The following EXOC6 variants were observed in gnomAD, a reference collection of about 807,000 sequenced individuals.
The protein encoded by EXOC6 is exocyst complex component 6.
A neutral mutation model predicts 112.5 loss-of-function variants in EXOC6; 60 were observed. The observed-to-expected ratio is 0.53, with a 90% CI of 0.43 to 0.66. EXOC6 has a LOEUF of 0.66. Ranked by LOEUF, EXOC6 falls within the 30% of genes least tolerant of loss-of-function variation. EXOC6 has a pLI of 0.00. For missense variants in EXOC6, 855 were observed against 957.1 expected (o/e 0.89, Z 1.41); for synonymous variants, 295 against 308.0 (o/e 0.96, Z 0.44).
At chr10:92,968,700 GCCC>G (rs1842165828) in intron 17 of EXOC6, among the ~76,000 whole-genome samples, 1 of 152,092 alleles carries the variant, frequency 6.6e-6, no homozygotes. Context: ...ATTTGTTTTA[GCCC>G]CTTCTGGGTG....
chr10:92,909,671 A>G (rs1404188633), intron 6 of EXOC6, 40 bp downstream of exon 6: 1 of 1,234,320 alleles, frequency 8.1e-7, no homozygotes, highest in Non-Finnish European at 1.1e-6. Context: ...TTATTTAGTA[A>G]TACAGGATCT....
intron 17 of EXOC6, among the ~76,000 whole-genome samples, chr10:92,957,950 A>G (rs1853782917): frequency 6.6e-6 from 1 of 152,162 alleles, no homozygotes; most frequent in Admixed American, 6.5e-5. Context: ...CAGTGACCCT[A>G]GAAAACATCT....
intron 11 of EXOC6, among the ~76,000 whole-genome samples, chr10:92,935,035 A>G (rs530854556): frequency 1.2e-4 from 19 of 152,106 alleles, no homozygotes; most frequent in African/African-American, 4.3e-4. Flanking sequence ...ACCTTTATTA[A>G]TATATTTCAT....
chr10:92,896,581 T>G (rs527887559), intron 4 of EXOC6, among the ~76,000 whole-genome samples: 1 of 138,072 alleles, frequency 7.2e-6, no homozygotes, highest in African/African-American at 2.8e-5. Flanking sequence ...CTAAAAAAAT[T>G]GTAGTATTAT....
In EXOC6 at chr10:93,034,723, T is replaced by G. The variant is rs577316272; in HGVS notation, c.2169+20456T>G. Among the ~76,000 whole-genome samples, 218 of 152,352 alleles carry G rather than the reference T, an allele frequency of 1.4e-3. 1 individual carries two copies. The highest frequency in any genetic ancestry group is 1.7e-3 in the Non-Finnish European group (118 of 68,036). On this transcript the variant is annotated intron_variant, in intron 20 of 21. Transcript: ENST00000260762. ...GCCACTGGTCCAGTTTATTCTTTTATGATGAGGAAGAAGGCACTTTTAAAT... is the reference window on the plus strand; with the variant it reads ...GCCACTGGTCCAGTTTATTCTTTTAGGATGAGGAAGAAGGCACTTTTAAAT...
chr10:92,936,714 C>A (rs1003864008), intron 12 of EXOC6, among the ~76,000 whole-genome samples: 1 of 152,158 alleles, frequency 6.6e-6, no homozygotes, highest in African/African-American at 2.4e-5. Flanking sequence ...ACACCTGCTG[C>A]GTTATTGGGA....
chr10:92,881,575 A>G (rs1345888040), intron 1 of EXOC6, among the ~76,000 whole-genome samples: 1 of 152,182 alleles, frequency 6.6e-6, no homozygotes, highest in Non-Finnish European at 1.5e-5. Context: ...CACTTACACA[A>G]TGCTTAATAT....
At chr10:92,845,349 G>A (rs1159745318), upstream of EXOC6, among the ~76,000 whole-genome samples, 2 of 151,768 alleles carry the variant, frequency 1.3e-5, no homozygotes, top group East Asian at 1.9e-4. Flanking sequence ...GGGAAGGAGT[G>A]TGAGACCAGC....
intron 19 of EXOC6, among the ~76,000 whole-genome samples, 169 bp from the exon 20 acceptor site, chr10:93,014,025 G>A (rs1383054925): frequency 6.6e-6 from 1 of 152,058 alleles, no homozygotes; most frequent in Non-Finnish European, 1.5e-5. Flanking sequence ...TAATGGATGT[G>A]GAGAACTTTC....
chr10:93,005,889 A>G (rs571429108), intron 19 of EXOC6, among the ~76,000 whole-genome samples: 11 of 152,238 alleles, frequency 7.2e-5, no homozygotes, highest in African/African-American at 2.2e-4. Context: ...GCTGGGCACA[A>G]TGGCTCATGC....
intron 20 of EXOC6, among the ~76,000 whole-genome samples, chr10:93,034,196 G>T (rs1845403391): frequency 6.6e-6 from 1 of 152,184 alleles, no homozygotes; most frequent in Non-Finnish European, 1.5e-5. Context: ...CAGTAAAGAG[G>T]TTATCAGTTG....
intron 20 of EXOC6, among the ~76,000 whole-genome samples, chr10:93,046,565 G>A (rs1846007201): frequency 6.6e-6 from 1 of 151,982 alleles, no homozygotes; most frequent in Non-Finnish European, 1.5e-5. Context: ...GAAGAGCTGA[G>A]GAATGAGGAG....
chr10:92,841,608 T>G (rs1162674647), intron 1 of EXOC6, among the ~76,000 whole-genome samples: 1 of 152,234 alleles, frequency 6.6e-6, no homozygotes, highest in Non-Finnish European at 1.5e-5. Context: ...GCTATACAGT[T>G]ACCCAATTTT....
At chr10:92,924,453 G>T (rs540543125) in intron 8 of EXOC6, among the ~76,000 whole-genome samples, 1 of 152,048 alleles carries the variant, frequency 6.6e-6, no homozygotes, top group Non-Finnish European at 1.5e-5. Flanking sequence ...ATTATGATTC[G>T]ATAAAGTGGG....
chr10:92,881,061 C>G (rs1370971184), intron 1 of EXOC6, among the ~76,000 whole-genome samples: 1 of 152,118 alleles, frequency 6.6e-6, no homozygotes, highest in Non-Finnish European at 1.5e-5. Context: ...TGTCAGCTAC[C>G]TGCTGGGGCT....
chr10:93,021,333 C>A (rs981731373), intron 20 of EXOC6, among the ~76,000 whole-genome samples: 3 of 151,528 alleles, frequency 2.0e-5, no homozygotes, highest in Admixed American at 6.6e-5. Flanking sequence ...ACAAAACAAA[C>A]CAAACAAAAA....
chr10:92,930,704 T>C (rs1050889790), intron 9 of EXOC6, among the ~76,000 whole-genome samples: 3 of 152,096 alleles, frequency 2.0e-5, no homozygotes, highest in Non-Finnish European at 2.9e-5. Context: ...AAAATCTTTA[T>C]TACTCTATAA....
intron 17 of EXOC6, among the ~76,000 whole-genome samples, chr10:92,973,195 A>G (rs1275203775): frequency 1.3e-5 from 2 of 152,216 alleles, no homozygotes. Context: ...TCAAATAATG[A>G]TAATTCTCTG....
intron 1 of EXOC6, among the ~76,000 whole-genome samples, chr10:92,875,811 A>C (rs1848664499): frequency 6.6e-6 from 1 of 152,070 alleles, no homozygotes; most frequent in African/African-American, 2.4e-5. Flanking sequence ...ATTACTATTA[A>C]ATAGTTTTTA....
Sources: gnomAD v4.1 joint callset for allele counts (sites outside exome capture counted in the v4.1 genomes callset) on GRCh38, gnomAD v4.1.1 for gene constraint, MANE v1.5 for transcripts, NCBI Gene and HGNC (gene_info 2026-07-23, HGNC 2026-07-21) for gene names.